GRK7: variants seen among roughly 807,000 people sequenced by gnomAD.
The protein encoded by GRK7 is G protein-coupled receptor kinase 7.
GRK7 carries 24 observed loss-of-function variants against 34.1 expected under a neutral mutation model. The observed-to-expected ratio is 0.70, with a 90% CI of 0.51 to 0.99. The LOEUF (loss-of-function observed/expected upper bound fraction) is 0.99, where lower values mean the gene tolerates loss of function less well. GRK7 is among the 50% of genes least tolerant of loss of function. The pLI, the probability that GRK7 is intolerant of heterozygous loss-of-function variation, is 0.00. For synonymous variants in GRK7, 256 were observed against 279.4 expected (o/e 0.92, Z 0.84); for missense variants, 644 against 707.3 (o/e 0.91, Z 1.02).
chr3:141,792,682 T>C (rs1240860707), intron 4 of GRK7, among the ~76,000 whole-genome samples: 1 of 152,160 alleles, frequency 6.6e-6, no homozygotes, highest in Non-Finnish European at 1.5e-5. Context: ...GCTATGATAT[T>C]GTGAAATATG....
chr3:141,810,264 TTC>T (rs1157842390), intron 5 of GRK7, among the ~76,000 whole-genome samples: 1 of 112,408 alleles, frequency 8.9e-6, no homozygotes, highest in Non-Finnish European at 1.8e-5. Flanking sequence ...ATCTCTCTCT[TTC>T]TCTCTCTCCC....
chr3:141,783,973 T>C (rs1052077996), intron 4 of GRK7, among the ~76,000 whole-genome samples: 2 of 152,154 alleles, frequency 1.3e-5, no homozygotes, highest in Non-Finnish European at 2.9e-5. Flanking sequence ...AGTGCAGCAC[T>C]TCACAGTTTG....
In GRK7 at chr3:141,778,276, T is replaced by A; in HGVS notation, c.-9T>A. The A allele has an allele frequency of 6.5e-7, 1 of 1,549,152 alleles. No individual in the cohort carries two copies. The highest frequency in any genetic ancestry group is 8.7e-7 in the Non-Finnish European group (1 of 1,146,358). On this transcript the variant is annotated 5_prime_UTR_variant, in exon 3 of 6. Transcript: ENST00000682958. This position sits in a 1 kb window ranked among gnomAD's most constrained non-coding sequence, Gnocchi z 4.1. ...GTGCTTTCCCTGGGAGTGCGCCCCGTGCTCAGCCATGGTGGACATGGGGGC... is the reference window on the plus strand; with the variant it reads ...GTGCTTTCCCTGGGAGTGCGCCCCGAGCTCAGCCATGGTGGACATGGGGGC...
intron 4 of GRK7, among the ~76,000 whole-genome samples, chr3:141,785,470 T>C (rs2107881366): frequency 6.6e-6 from 1 of 152,180 alleles, no homozygotes; most frequent in East Asian, 1.9e-4. Flanking sequence ...AAAAATTTTT[T>C]TGTTTTGTTT....
chr3:141,796,299 T>C (rs1041951213), intron 4 of GRK7, among the ~76,000 whole-genome samples: 3 of 152,190 alleles, frequency 2.0e-5, no homozygotes, highest in African/African-American at 7.2e-5. Flanking sequence ...CTTACACAAG[T>C]CAGACTGCTT....
intron 4 of GRK7, among the ~76,000 whole-genome samples, chr3:141,800,018 G>A (rs542105456): frequency 2.2e-4 from 33 of 152,294 alleles, no homozygotes; most frequent in African/African-American, 7.5e-4. Context: ...AATAAATGTT[G>A]CTGAATAGAA....
At chr3:141,809,685 A>G (rs899808067) in intron 5 of GRK7, among the ~76,000 whole-genome samples, 4 of 152,144 alleles carry the variant, frequency 2.6e-5, no homozygotes, top group Non-Finnish European at 4.4e-5. Flanking sequence ...GTGGCAGAGC[A>G]AGACCCTGTC....
At position 141,816,961 on chromosome 3, in the gene GRK7, G is replaced by A. The variant is rs781503811; in HGVS notation, c.1573G>A (p.Gly525Arg). ...IAWQEEIIETGLFEELNDPNR... is the reference protein window; with the variant it reads ...IAWQEEIIETRLFEELNDPNR... ...ATGGCAGGAAGAAATTATAGAAACG[G>A]GACTGTTTGAGGAACTGAATGACCC... Residue 525 changes from glycine (G) to arginine (R), a missense_variant, in exon 6 of 6, where the codon GGA (glycine) becomes AGA (arginine). By Grantham distance (125) the Gly-to-Arg change is moderately radical (BLOSUM62 -2). Coordinates refer to ENST00000682958, the MANE Select transcript of GRK7 (RefSeq NM_139209.3). 3 of 1,614,066 alleles carry A rather than the reference G, an allele frequency of 1.9e-6. No individual in the cohort carries two copies. Among genetic ancestry groups the A allele is most frequent in the South Asian group, 1.1e-5 (1 of 91,082 alleles).
upstream of GRK7, among the ~76,000 whole-genome samples, chr3:141,762,070 C>T (rs1408586230): frequency 7.4e-5 from 11 of 149,438 alleles, no homozygotes; most frequent in African/African-American, 2.5e-4. Flanking sequence ...AATGTCCTCC[C>T]GTAGCTCAGA....
chr3:141,809,616 T>C (rs1404617686), intron 5 of GRK7, among the ~76,000 whole-genome samples: 1 of 152,088 alleles, frequency 6.6e-6, no homozygotes, highest in African/African-American at 2.4e-5. Context: ...GAGGATCACT[T>C]GAGCCCAGGA....
At chr3:141,797,655 T>C (rs1292721855) in intron 4 of GRK7, among the ~76,000 whole-genome samples, 1 of 152,112 alleles carries the variant, frequency 6.6e-6, no homozygotes, top group Non-Finnish European at 1.5e-5. Flanking sequence ...GGAAGAGGCA[T>C]CCGCGGGCGA....
rs1343687601 is a variant in GRK7 at position 141,818,942 on chromosome 3, GCTC to G, written c.*1900_*1902del. Among the ~76,000 whole-genome samples the G allele has an allele frequency of 6.6e-6, 1 of 152,162 alleles. No individual in the cohort carries two copies. On this transcript the variant is annotated 3_prime_UTR_variant, in exon 6 of 6. Transcript: ENST00000682958. ...CGGTGCACCTGCGGCTCACTTTCCC[GCTC>G]CTCCTCCATCCTCAGCATGCTCCCT...
intron 4 of GRK7, among the ~76,000 whole-genome samples, chr3:141,799,745 TGAG>T (rs1179565920): frequency 6.6e-6 from 1 of 152,166 alleles, no homozygotes; most frequent in African/African-American, 2.4e-5. Context: ...GGAGATCAAA[TGAG>T]GAATTCACAT....
chr3:141,751,753 T>C, the GRK7 span, among the ~76,000 whole-genome samples: 1 of 152,250 alleles, frequency 6.6e-6, no homozygotes, highest in Non-Finnish European at 1.5e-5. Context: ...CAATGAAATT[T>C]AAAATTCAGT....
intron 4 of GRK7, among the ~76,000 whole-genome samples, chr3:141,802,326 C>T (rs933949548): frequency 1.3e-5 from 2 of 150,896 alleles, no homozygotes; most frequent in Non-Finnish European, 2.9e-5. Context: ...GCACTTCCAA[C>T]CTGGGTGACA....
intron 4 of GRK7, among the ~76,000 whole-genome samples, chr3:141,802,366 T>TCACTCACACACACA (rs1553737503): frequency 1.4e-5 from 2 of 145,574 alleles, no homozygotes; most frequent in Non-Finnish European, 3.0e-5. Flanking sequence ...TCTTTCTCTG[T>TCACTCACACACACA]CACACACACA....
intron 5 of GRK7, among the ~76,000 whole-genome samples, chr3:141,810,161 T>A (rs1264864686): frequency 1.3e-5 from 2 of 152,152 alleles, no homozygotes; most frequent in African/African-American, 4.8e-5. Context: ...GCAAACCACC[T>A]TTGGAGTCAA....
chr3:141,813,422 C>T (rs1237627372), intron 5 of GRK7, among the ~76,000 whole-genome samples: 1 of 152,184 alleles, frequency 6.6e-6, no homozygotes, highest in Non-Finnish European at 1.5e-5. Flanking sequence ...CCATGGTGCC[C>T]GGCCTAAAAA....
At chr3:141,810,978 G>A (rs1238652465) in intron 5 of GRK7, among the ~76,000 whole-genome samples, 1 of 152,088 alleles carries the variant, frequency 6.6e-6, no homozygotes, top group Non-Finnish European at 1.5e-5. Context: ...TTCCCTGAAG[G>A]GAACAACACC....
Sources: allele counts gnomAD v4.1 joint callset (sites outside exome capture counted in the v4.1 genomes callset), GRCh38; gene constraint gnomAD v4.1.1; non-coding constraint Gnocchi (gnomAD v3.1); transcripts MANE v1.5; gene names NCBI Gene and HGNC (gene_info 2026-07-23, HGNC 2026-07-21).